Variants in FYB1 observed in about 807,000 individuals in gnomAD.
FYB1 encodes FYN binding protein 1.
Under a neutral mutation model 94.1 loss-of-function variants are expected in FYB1, and 41 were observed. The ratio of observed to expected loss-of-function variants is 0.44; its 90% CI spans 0.34 to 0.57. The LOEUF (loss-of-function observed/expected upper bound fraction) is 0.57. Among genes scored for constraint, FYB1 ranks in the 20% least tolerant of loss-of-function variants. The pLI, the probability that FYB1 is intolerant of heterozygous loss-of-function variation, is 0.02. For synonymous variants in FYB1, 367 were observed against 353.2 expected, an observed-to-expected ratio of 1.04 and a Z score of -0.44; for missense variants, 1,050 against 976.8, an observed-to-expected ratio of 1.07 and a Z score of -1.00.
At chr5:39,186,905 A>C (rs2150444765) in intron 2 of FYB1, among the ~76,000 whole-genome samples, 1 of 152,254 alleles carries the variant, frequency 6.6e-6, no homozygotes, top group South Asian at 2.1e-4. Context: ...TTAGCAGATG[A>C]GAAAACTGAG....
At chr5:39,242,436 A>C (rs989487912) in intron 1 of FYB1, among the ~76,000 whole-genome samples, 1 of 152,118 alleles carries the variant, frequency 6.6e-6, no homozygotes, top group African/African-American at 2.4e-5. Context: ...GATGGTTTCC[A>C]GCTTCATCCA....
In FYB1 at chr5:39,170,893, G is replaced by T. The variant is rs113342610; in HGVS notation, c.1136-17289C>A. Among the ~76,000 whole-genome samples the T allele has an allele frequency of 7.9e-5, 12 of 152,230 alleles. 1 individual carries two copies. The highest frequency in any genetic ancestry group is 2.9e-4 in the African/African-American group (12 of 41,526). ...CTGTTTCTTTAACCCCATAAAGCTT[G>T]TTCTTACCTAAGGAATTTGTACTCC... is the stretch of plus-strand genomic sequence containing the variant. On this transcript the variant is annotated intron_variant, in intron 2 of 18. Coordinates refer to ENST00000512982, the MANE Select transcript of FYB1 (RefSeq NM_001465.6).
intron 1 of FYB1, chr5:39,270,696 G>C: frequency 1.2e-6 from 1 of 801,708 alleles, no homozygotes. Flanking sequence ...GGTCTGTCCA[G>C]CTTTCACACA....
intron 1 of FYB1, among the ~76,000 whole-genome samples, chr5:39,234,130 C>T (rs963678322): frequency 6.6e-6 from 1 of 152,072 alleles, no homozygotes; most frequent in Non-Finnish European, 1.5e-5. Context: ...CACTTAGTTC[C>T]ATATTCACTG....
Position 39,202,236 on chromosome 5 carries a change from C to G in FYB1, c.725G>C (p.Arg242Thr). 1 of 1,613,970 alleles carries G rather than the reference C, an allele frequency of 6.2e-7. No individual in the cohort carries two copies. The highest frequency in any genetic ancestry group is 8.5e-7 in the Non-Finnish European group (1 of 1,179,884). The change falls in exon 2 of 19, where the codon AGG (arginine) becomes ACG (threonine). Residue 242 changes from arginine (R) to threonine (T), a missense_variant. Arg to Thr is a moderately conservative substitution (Grantham distance 71). Coordinates refer to ENST00000512982, the MANE Select transcript of FYB1 (RefSeq NM_001465.6). ...RSKSGPLKPA[R>T]EDSENKDHAG... ...ATGGTCTTTATTTTCTGAGTCTTCCCTTGCTGGTTTTAAAGGGCCGCTTTT... is the reference window on the plus strand; with the variant it reads ...ATGGTCTTTATTTTCTGAGTCTTCCGTTGCTGGTTTTAAAGGGCCGCTTTT...
upstream of FYB1, among the ~76,000 whole-genome samples, chr5:39,220,358 C>G (rs146435901): frequency 1.6e-3 from 232 of 148,882 alleles, 7 homozygotes; most frequent in East Asian, 0.036. Flanking sequence ...CTTCAGTGAG[C>G]TATGATTGCA....
chr5:39,126,245 A>T, intron 11 of FYB1, 110 bp from the exon 12 acceptor site: 3 of 1,164,620 alleles, frequency 2.6e-6, no homozygotes, highest in Non-Finnish European at 3.6e-6. Flanking sequence ...CACATTAATC[A>T]TTCAGGCAGT....
rs115649708 is a variant in FYB1 at position 39,189,450 on chromosome 5, C to T, written c.1135+12376G>A. Among the ~76,000 whole-genome samples the T allele has an allele frequency of 4.5e-3, 687 of 152,172 alleles. 5 individuals are homozygous for T. The highest frequency in any genetic ancestry group is 0.016 in the African/African-American group (667 of 41,510). ...CAACAGAAAATAAACCCACTTCCTC[C>T]CCTGGCCATCTCTTCCCACTGACTT... On this transcript the variant is annotated intron_variant, in intron 2 of 18. Coordinates refer to ENST00000512982, the MANE Select transcript of FYB1 (RefSeq NM_001465.6).
At chr5:39,213,798 GAC>G (rs1217692710) in intron 1 of FYB1, among the ~76,000 whole-genome samples, 1 of 152,110 alleles carries the variant, frequency 6.6e-6, no homozygotes, top group Non-Finnish European at 1.5e-5. Context: ...AGGGGCCCAG[GAC>G]ACCATTCTGG....
chr5:39,141,246 C>A (rs775380357), intron 3 of FYB1, 105 bp from the exon 4 acceptor site: 23 of 814,144 alleles, frequency 2.8e-5, no homozygotes, highest in South Asian at 1.3e-4. Context: ...TTTTCTTGAA[C>A]CTTTGCTCTG....
Position 39,106,818 on chromosome 5 carries a change from A to G in FYB1, c.*625T>C, listed in dbSNP as rs1032615604. ...TCAATGTGCATACTAAATGCATAAC[A>G]TTCGTATCAAATAATTAACATTTAT... On this transcript the variant is annotated 3_prime_UTR_variant, in exon 19 of 19. Coordinates refer to ENST00000512982, the MANE Select transcript of FYB1 (RefSeq NM_001465.6). The G allele has an allele frequency of 6.6e-6, 1 of 152,118 alleles. No homozygotes were observed. Among genetic ancestry groups the G allele is most frequent in the Non-Finnish European group, 1.5e-5 (1 of 67,952 alleles). 9.4% of individuals were successfully genotyped at this position (152,118 alleles called of 1,614,324 possible).
chr5:39,174,054 T>C (rs1173489829), intron 2 of FYB1, among the ~76,000 whole-genome samples: 1 of 152,178 alleles, frequency 6.6e-6, no homozygotes, highest in African/African-American at 2.4e-5. Flanking sequence ...GCCATTTTAA[T>C]GATATCAATT....
intron 10 of FYB1, 84 bp from the exon 11 acceptor site, chr5:39,127,891 C>A: frequency 8.0e-7 from 1 of 1,243,432 alleles, no homozygotes; most frequent in Non-Finnish European, 1.1e-6. Flanking sequence ...TGTAAATCTT[C>A]CTTATTTAAC....
At chr5:39,247,091 T>C (rs535315241) in intron 1 of FYB1, among the ~76,000 whole-genome samples, 1 of 138,882 alleles carries the variant, frequency 7.2e-6, no homozygotes, top group African/African-American at 2.6e-5. Flanking sequence ...TATATATATA[T>C]ATATATATAT....
At chr5:39,258,292 A>G (rs1248864310) in intron 1 of FYB1, among the ~76,000 whole-genome samples, 1 of 152,048 alleles carries the variant, frequency 6.6e-6, no homozygotes, top group East Asian at 1.9e-4. Context: ...ATGAAGGGGG[A>G]AAAGAGAAAC....
intron 16 of FYB1, among the ~76,000 whole-genome samples, chr5:39,116,757 A>G (rs1739604995): frequency 6.6e-6 from 1 of 152,086 alleles, no homozygotes. Context: ...TGCTGATCCA[A>G]AGACCAGCAG....
Position 39,266,470 on chromosome 5 carries a change from C to T in FYB1, c.-28+7933G>A, listed in dbSNP as rs1752440895. Among the ~76,000 whole-genome samples the T allele has an allele frequency of 3.3e-5, 5 of 152,318 alleles. No individual in the cohort carries two copies. In the East Asian group the frequency reaches 7.7e-4, roughly 23 times the overall value. On this transcript the variant is annotated intron_variant, in intron 1 of 1. Transcript: ENST00000510188. Reference sequence around the variant, plus strand: ...CTAATGTATCTATCTTCATAAAACACCAAGTGCCTTTGTGCTTCATTCTCA... The same window carrying T: ...CTAATGTATCTATCTTCATAAAACATCAAGTGCCTTTGTGCTTCATTCTCA...
At chr5:39,154,439 T>A (rs78357318) in intron 2 of FYB1, among the ~76,000 whole-genome samples, 30 of 152,274 alleles carry the variant, frequency 2.0e-4, no homozygotes, top group African/African-American at 7.0e-4. Flanking sequence ...GACAAACATT[T>A]TGTTTTAATT....
chr5:39,211,317 CTTTTCTT>C (rs1256604065), intron 1 of FYB1, among the ~76,000 whole-genome samples: 1 of 113,804 alleles, frequency 8.8e-6, no homozygotes, highest in Non-Finnish European at 1.7e-5. Flanking sequence ...TTTTTCTTTT[CTTTTCTT>C]TTTTTTTTTT....
Sources: gnomAD v4.1 joint callset for allele counts (sites outside exome capture counted in the v4.1 genomes callset) on GRCh38, gnomAD v4.1.1 for gene constraint, MANE v1.5 for transcripts, NCBI Gene and HGNC (gene_info 2026-07-23, HGNC 2026-07-21) for gene names.